USP48: variants seen among roughly 807,000 people sequenced by gnomAD.
USP48 encodes ubiquitin specific peptidase 48, also known as ubiquitin carboxyl-terminal hydrolase 48.
Under a neutral mutation model 150.7 loss-of-function variants are expected in USP48, and 43 were observed. The observed-to-expected ratio is 0.29, with a 90% CI of 0.22 to 0.37. The LOEUF is 0.37. Among genes scored for constraint, USP48 ranks in the 10% least tolerant of loss-of-function variants. The probability of loss-of-function intolerance (pLI) is 1.00; values close to 1 mark genes in which losing one functional copy is unlikely to be tolerated. For synonymous variants in USP48, 396 were observed against 425.9 expected (o/e 0.93, Z 0.86); for missense variants, 813 against 1,249.6 (o/e 0.65, Z 5.27).
intron 11 of USP48, among the ~76,000 whole-genome samples, chr1:21,725,359 T>G (rs2097733624): frequency 6.6e-6 from 1 of 152,170 alleles, no homozygotes; most frequent in African/African-American, 2.4e-5. Flanking sequence ...GGAATGTTGT[T>G]GAGTATAAAA....
chr1:21,695,051 A>T lies in USP48; in HGVS notation c.2883+15T>A. 6.2e-7 allele frequency: 1 copy of T among 1,605,706 alleles called. No individual in the cohort carries two copies. The highest frequency in any genetic ancestry group is 8.5e-7 in the Non-Finnish European group (1 of 1,176,882). On this transcript the variant is annotated intron_variant, in intron 23 of 26. Transcript: ENST00000308271. Reference sequence around the variant, plus strand: ...TTTTAAGTCCAGAGCAAACTTGAACAAATGTTTCCCTCACCTGAATTTTCA... The same window carrying T: ...TTTTAAGTCCAGAGCAAACTTGAACTAATGTTTCCCTCACCTGAATTTTCA...
chr1:21,779,739 A>T lies in USP48; in HGVS notation c.134+3085T>A, dbSNP rs79879562. Among the ~76,000 whole-genome samples the T allele has an allele frequency of 1.7e-3, 259 of 152,284 alleles. 1 individual carries two copies. Among genetic ancestry groups the T allele is most frequent in the African/African-American group, 6.0e-3 (251 of 41,564 alleles). ...GTCTATCAGCAGATGAATGCAAATT[A>T]AAAATGTGGTAGATACAGAGATATG... On this transcript the variant is annotated intron_variant, in intron 1 of 26. Transcript: ENST00000308271.
At position 21,706,762 on chromosome 1, in the gene USP48, C is replaced by T. The variant is rs1156898656; in HGVS notation, c.2070G>A (p.Glu690=). ...PKAPEFPSYK[E]CCSQCKILER... ...TCAGTACCTTGCACTGTGAACAGCA[C>T]TCTTTGTAACTTGGAAACTCAGGAG... is the stretch of plus-strand genomic sequence containing the variant. Residue 690 remains glutamate (E), a synonymous_variant, in exon 16 of 27, where the codon GAG becomes GAA. Transcript: ENST00000308271. The T allele has an allele frequency of 6.2e-7, 1 of 1,612,544 alleles. No homozygotes were observed. Among genetic ancestry groups the T allele is most frequent in the Admixed American group, 1.7e-5 (1 of 59,582 alleles).
chr1:21,763,741 G>C (rs1200886028), intron 1 of USP48, among the ~76,000 whole-genome samples: 4 of 152,122 alleles, frequency 2.6e-5, no homozygotes, highest in African/African-American at 9.7e-5. Flanking sequence ...CTTGAACCCA[G>C]GAGGCAGAGG....
At chr1:21,741,372 A>C (rs184463142) in intron 8 of USP48, among the ~76,000 whole-genome samples, 145 of 152,374 alleles carry the variant, frequency 9.5e-4, no homozygotes, top group Middle Eastern at 3.4e-3. Flanking sequence ...CGGATGCCCC[A>C]AGGCAACAGA....
chr1:21,729,143 C>G (rs769006409), intron 10 of USP48, among the ~76,000 whole-genome samples: 1 of 151,990 alleles, frequency 6.6e-6, no homozygotes, highest in Non-Finnish European at 1.5e-5. Context: ...ATTAGCTGGG[C>G]GTGGTGGCAC....
At chr1:21,699,570 G>C (rs1214836784) in intron 22 of USP48, among the ~76,000 whole-genome samples, 1 of 151,268 alleles carries the variant, frequency 6.6e-6, no homozygotes, top group African/African-American at 2.4e-5. Context: ...CTGGAGTGCA[G>C]TGGCGTGATC....
At chr1:21,772,668 T>C (rs908785693) in intron 1 of USP48, among the ~76,000 whole-genome samples, 1 of 148,470 alleles carries the variant, frequency 6.7e-6, no homozygotes. Context: ...GCGCCTATAA[T>C]CCCAGCACTT....
At chr1:21,702,558 T>C (rs1438272240) in intron 21 of USP48, among the ~76,000 whole-genome samples, 3 of 151,680 alleles carry the variant, frequency 2.0e-5, no homozygotes, top group African/African-American at 2.4e-5. Context: ...CCAAACACTA[T>C]AGCCAGGGTG....
At chr1:21,727,723 G>T in intron 11 of USP48, 1 of 271,278 alleles carries the variant, frequency 3.7e-6, no homozygotes, top group Non-Finnish European at 5.6e-6. Flanking sequence ...TACAAAGAAG[G>T]GTCAGAATTG....
At chr1:21,691,203 A>G (rs2152500379) in intron 23 of USP48, among the ~76,000 whole-genome samples, 1 of 150,918 alleles carries the variant, frequency 6.6e-6, no homozygotes, top group South Asian at 2.1e-4. Context: ...AATCTCAGCT[A>G]CTCGGGAGGC....
chr1:21,681,485 C>G (rs1160060453), intron 25 of USP48, among the ~76,000 whole-genome samples: 1 of 152,056 alleles, frequency 6.6e-6, no homozygotes, highest in East Asian at 1.9e-4. Context: ...TCGTCTCGAA[C>G]TCTTGACCTC....
intron 19 of USP48, 53 bp downstream of exon 19, chr1:21,705,674 T>C (rs2097670173): frequency 1.6e-6 from 2 of 1,287,924 alleles, no homozygotes; most frequent in Non-Finnish European, 1.1e-6. Flanking sequence ...ATTTTATTAA[T>C]CATCAAAAAG....
Position 21,782,913 on chromosome 1 carries a change from C to A in USP48, c.45G>T (p.Ala15=). ...ACACCTCCTCGGGCCGCACCGTCTC[C>A]GCCCAGCGCCAGGCCGCCTTCTCCA... ...LQLEKAAWRW[A]ETVRPEEVSQ... Residue 15 remains alanine, a synonymous_variant, in exon 1 of 27, where the codon GCG becomes GCT. Coordinates refer to ENST00000308271, the MANE Select transcript of USP48 (RefSeq NM_032236.8). 1 of 1,551,474 alleles carries A rather than the reference C, an allele frequency of 6.4e-7. No homozygotes were observed. Among genetic ancestry groups the A allele is most frequent in the Non-Finnish European group, 8.7e-7 (1 of 1,149,512 alleles).
chr1:21,759,387 A>G (rs2097844888), intron 1 of USP48, among the ~76,000 whole-genome samples: 1 of 152,126 alleles, frequency 6.6e-6, no homozygotes, highest in Non-Finnish European at 1.5e-5. Flanking sequence ...CTAAAGACAA[A>G]AGGAACAAAC....
At chr1:21,770,481 C>CTTTTTT (rs548583450) in intron 1 of USP48, among the ~76,000 whole-genome samples, 3 of 115,844 alleles carry the variant, frequency 2.6e-5, no homozygotes, top group African/African-American at 6.6e-5. Flanking sequence ...AATCAAGTGT[C>CTTTTTT]TTTTTTTTTT....
At chr1:21,727,980 T>TA in intron 11 of USP48, 1 of 985,450 alleles carries the variant, frequency 1.0e-6, no homozygotes, top group Non-Finnish European at 1.2e-6. Flanking sequence ...CATCAGCCTT[T>TA]AAAAAGGCTT....
At chr1:21,710,720 A>C (rs921498673) in intron 15 of USP48, among the ~76,000 whole-genome samples, 1 of 152,082 alleles carries the variant, frequency 6.6e-6, no homozygotes, top group African/African-American at 2.4e-5. Context: ...TAAATCAAGG[A>C]CTTTCCAGGT....
chr1:21,685,732 G>T (rs901214545), intron 25 of USP48, among the ~76,000 whole-genome samples: 1 of 152,178 alleles, frequency 6.6e-6, no homozygotes, highest in East Asian at 1.9e-4. Flanking sequence ...AACTCACTTT[G>T]TACACTGATT....
Sources: allele counts gnomAD v4.1 joint callset (sites outside exome capture counted in the v4.1 genomes callset), GRCh38; gene constraint gnomAD v4.1.1; transcripts MANE v1.5; gene names NCBI Gene and HGNC (gene_info 2026-07-23, HGNC 2026-07-21).